The following FBXO42 variants were observed in gnomAD, a reference collection of about 807,000 sequenced individuals.
FBXO42 encodes the protein F-box only protein 42.
FBXO42 carries 12 observed loss-of-function variants against 71.7 expected under a neutral mutation model. The observed-to-expected ratio is 0.17, with a 90% CI of 0.11 to 0.27. The LOEUF (loss-of-function observed/expected upper bound fraction) is 0.27, where lower values mean the gene tolerates loss of function less well. FBXO42 is among the 10% of genes least tolerant of loss of function. FBXO42 has a pLI of 1.00. For synonymous variants in FBXO42, 325 were observed against 327.5 expected, an observed-to-expected ratio of 0.99 and a Z score of 0.08; for missense variants, 707 against 911.9, an observed-to-expected ratio of 0.78 and a Z score of 2.89.
intron 1 of FBXO42, among the ~76,000 whole-genome samples, chr1:16,332,457 TAA>T (rs1279425808): frequency 6.6e-6 from 1 of 152,136 alleles, no homozygotes; most frequent in Non-Finnish European, 1.5e-5. Context: ...AGTAAGCAAA[TAA>T]AGTTATCCTC....
At chr1:16,326,278 A>T (rs1033580178) in intron 1 of FBXO42, among the ~76,000 whole-genome samples, 1 of 148,700 alleles carries the variant, frequency 6.7e-6, no homozygotes, top group Non-Finnish European at 1.5e-5. Flanking sequence ...CTGGTCTCGA[A>T]CTCCCGACCT....
At position 16,305,458 on chromosome 1, in the gene FBXO42, T is replaced by C. The variant is rs115072937; in HGVS notation, c.367+345A>G. On this transcript the variant is annotated intron_variant, in intron 3 of 9. Coordinates refer to ENST00000375592, the MANE Select transcript of FBXO42 (RefSeq NM_018994.3). ...TGGCTGGGTGTCGTGGCTCACGTTA[T>C]GTAATCCCAGCACTCTGGGAGGCCA... 6.0e-3 allele frequency among the ~76,000 whole-genome samples: 909 copies of C among 152,276 alleles called. 7 individuals are homozygous for C. The highest frequency in any genetic ancestry group is 0.021 in the African/African-American group (874 of 41,544).
chr1:16,251,908 G>C lies in FBXO42; in HGVS notation c.1039-123C>G. 20 of 1,221,596 alleles carry C rather than the reference G, an allele frequency of 1.6e-5. No individual in the cohort carries two copies. The highest frequency in any genetic ancestry group is 3.0e-5 in the African/African-American group (2 of 66,318). The allele number at this position is 1,221,596 out of a possible 1,614,324, so 75.7% of individuals were successfully genotyped here. A position where few individuals can be genotyped will look rare whatever the true frequency, so the allele number is the denominator to read the frequency against. The stretch of plus-strand genomic sequence containing the variant: ...ATTTTGTAGGTACCTGAGATATGAA[G>C]ATGAAAATGATGTAGTCTGCCCTCT... On this transcript the variant is annotated intron_variant, in intron 9 of 9. Coordinates refer to ENST00000375592, the MANE Select transcript of FBXO42 (RefSeq NM_018994.3). This position sits in a 1 kb window ranked among gnomAD's most constrained non-coding sequence, Gnocchi z 4.5.
intron 7 of FBXO42, 178 bp from the exon 8 acceptor site, chr1:16,253,330 T>C (rs1331328290): frequency 1.6e-6 from 1 of 612,022 alleles, no homozygotes; most frequent in African/African-American, 1.9e-5. Context: ...AAATTACTGA[T>C]AATTCACCTG....
Position 16,247,473 on chromosome 1 carries a change from C to T in FBXO42, c.*3197G>A, listed in dbSNP as rs1332605039. 2 of 152,222 alleles carry T rather than the reference C, an allele frequency of 1.3e-5. No homozygotes were observed. Among genetic ancestry groups the T allele is most frequent in the Admixed American group, 1.3e-4 (2 of 15,278 alleles). 9.4% of individuals were successfully genotyped at this position (152,222 alleles called of 1,614,324 possible). On this transcript the variant is annotated 3_prime_UTR_variant, in exon 10 of 10. Transcript: ENST00000375592. ...TGAAAGAAAGGAAAGGGAAACATCT[C>T]TTTGTTCTCCATTGGCTGGTGGCTT...
intron 1 of FBXO42, among the ~76,000 whole-genome samples, chr1:16,350,757 A>AAAGAGAAAGAAAGAAAG (rs58974963): frequency 2.3e-5 from 1 of 44,248 alleles, no homozygotes; most frequent in Admixed American, 3.8e-4. Context: ...AAAAAAAAAA[A>AAAGAGAAAGAAAGAAAG]AAAGAAAGAA....
At chr1:16,326,501 T>C (rs879368465) in intron 1 of FBXO42, among the ~76,000 whole-genome samples, 13 of 151,492 alleles carry the variant, frequency 8.6e-5, no homozygotes, top group Non-Finnish European at 1.6e-4. Flanking sequence ...CTGGGCAACA[T>C]GGTCAAACTC....
At chr1:16,297,380 T>C (rs1468952198) in intron 3 of FBXO42, among the ~76,000 whole-genome samples, 1 of 152,136 alleles carries the variant, frequency 6.6e-6, no homozygotes, top group Non-Finnish European at 1.5e-5. Context: ...TTAAACCCCA[T>C]AATCTCAGTC....
intron 3 of FBXO42, among the ~76,000 whole-genome samples, chr1:16,299,262 C>T (rs112294845): frequency 0.02 from 3,022 of 152,160 alleles, 86 homozygotes; most frequent in African/African-American, 0.07. Context: ...CCGCCCGCCT[C>T]GGCCTCCCAA....
In FBXO42 at chr1:16,326,732, GGTGATGTTTTT is replaced by G. The variant is rs530370127; in HGVS notation, c.-17-11308_-17-11298del. The stretch of plus-strand genomic sequence containing the variant: ...AATTATTCTTGAGTTAATTCTGATA[GGTGATGTTTTT>G]TCTAGGATTTATAAGTCATCTAAAA... On this transcript the variant is annotated intron_variant, in intron 1 of 9. Coordinates refer to ENST00000375592, the MANE Select transcript of FBXO42 (RefSeq NM_018994.3). Among the ~76,000 whole-genome samples the G allele has an allele frequency of 3.2e-3, 487 of 151,036 alleles. 2 individuals carry two copies. Among genetic ancestry groups the G allele is most frequent in the Non-Finnish European group, 4.9e-3 (333 of 67,844 alleles).
intron 1 of FBXO42, among the ~76,000 whole-genome samples, chr1:16,350,743 CAAAA>C (rs143818159): frequency 2.1e-4 from 14 of 65,774 alleles, no homozygotes; most frequent in African/African-American, 7.3e-4. Context: ...TGAGAAACTG[CAAAA>C]AAAAAAAAAA....
intron 1 of FBXO42, among the ~76,000 whole-genome samples, chr1:16,318,908 T>C (rs1451407508): frequency 6.6e-6 from 1 of 152,138 alleles, no homozygotes; most frequent in Non-Finnish European, 1.5e-5. Context: ...GGCAGAAGGC[T>C]CCAAAGCTGA....
intron 4 of FBXO42, among the ~76,000 whole-genome samples, chr1:16,261,359 G>C (rs898474558): frequency 2.0e-5 from 3 of 152,102 alleles, no homozygotes; most frequent in Admixed American, 1.3e-4. Context: ...CTTAGGTAAG[G>C]GCTTTCCAAA....
chr1:16,308,740 G>GTTTTTT (rs35488648), intron 2 of FBXO42, among the ~76,000 whole-genome samples: 9 of 80,636 alleles, frequency 1.1e-4, no homozygotes, highest in Non-Finnish European at 1.6e-4. Context: ...CCCCATCTCT[G>GTTTTTT]TTTTTTTTTT....
chr1:16,302,541 G>A (rs1311689302), intron 3 of FBXO42, among the ~76,000 whole-genome samples: 2 of 152,042 alleles, frequency 1.3e-5, no homozygotes, highest in African/African-American at 4.8e-5. Context: ...ACGGAGTCTC[G>A]CTCTGTTGCC....
chr1:16,348,970 ATC>A (rs2100649954), intron 1 of FBXO42, among the ~76,000 whole-genome samples: 1 of 152,306 alleles, frequency 6.6e-6, no homozygotes, highest in South Asian at 2.1e-4. Context: ...CCACTTAGTA[ATC>A]TGAGATATTT....
At chr1:16,338,659 T>C (rs1450335941) in intron 1 of FBXO42, among the ~76,000 whole-genome samples, 1 of 152,080 alleles carries the variant, frequency 6.6e-6, no homozygotes, top group Non-Finnish European at 1.5e-5. Flanking sequence ...TTCAAAGTAC[T>C]TTACAATCCC....
rs952425649 is a variant in FBXO42, at chr1:16,281,939, C to T, written c.502+12844G>A. ...GATCCACCAAGTGAAGTCACTTGAC[C>T]TCAAGTGATCCTCGACTCCCAAAGT... is the stretch of plus-strand genomic sequence containing the variant. On this transcript the variant is annotated intron_variant, in intron 4 of 9. Transcript: ENST00000375592. Among the ~76,000 whole-genome samples, 4 of 151,738 alleles carry T rather than the reference C, an allele frequency of 2.6e-5. No individual in the cohort carries two copies. The East Asian group carries it at 7.8e-4, about 30-fold the overall frequency.
At chr1:16,261,463 T>C (rs1288085164) in intron 4 of FBXO42, among the ~76,000 whole-genome samples, 2 of 152,218 alleles carry the variant, frequency 1.3e-5, no homozygotes, top group African/African-American at 4.8e-5. Flanking sequence ...ATCTAGAATT[T>C]ATCTCCATGG....
Sources: allele counts gnomAD v4.1 joint callset (sites outside exome capture counted in the v4.1 genomes callset), GRCh38; gene constraint gnomAD v4.1.1; non-coding constraint Gnocchi (gnomAD v3.1); transcripts MANE v1.5; gene names NCBI Gene and HGNC (gene_info 2026-07-23, HGNC 2026-07-21).